MTOR: variants seen among roughly 807,000 people sequenced by gnomAD.
MTOR encodes mechanistic target of rapamycin kinase, also known as serine/threonine-protein kinase mTOR.
In MTOR, 70 loss-of-function variants were observed where a neutral mutation model predicts 319.8. The ratio of observed to expected loss-of-function variants is 0.22; its 90% CI spans 0.18 to 0.27. The LOEUF is 0.27. Ranked by LOEUF, MTOR falls within the 10% of genes least tolerant of loss-of-function variation. The probability of loss-of-function intolerance (pLI) is 1.00; values close to 1 mark genes in which losing one functional copy is unlikely to be tolerated. For missense variants in MTOR, 1,890 were observed against 3,274.4 expected (o/e 0.58, Z 10.32); for synonymous variants, 1,183 against 1,211.4 (o/e 0.98, Z 0.49).
intron 1 of MTOR, 55 bp from the exon 2 acceptor site, chr1:11,259,478 T>C: frequency 6.7e-7 from 1 of 1,493,970 alleles, no homozygotes; most frequent in Non-Finnish European, 8.9e-7. Context: ...ATGATAAATT[T>C]ACTTATGGCC....
intron 36 of MTOR, among the ~76,000 whole-genome samples, chr1:11,137,829 A>T (rs894580849): frequency 2.6e-5 from 4 of 152,218 alleles, no homozygotes; most frequent in Non-Finnish European, 4.4e-5. Flanking sequence ...CTTTTCCCAC[A>T]AATACTTTCC....
intron 3 of MTOR, 53 bp downstream of exon 3, chr1:11,258,432 A>C (rs935732152): frequency 8.2e-7 from 1 of 1,215,002 alleles, no homozygotes; most frequent in Non-Finnish European, 1.2e-6. Flanking sequence ...CACAGGGTGC[A>C]GTGGGCACAA....
chr1:11,198,340 C>G (rs936245196), intron 28 of MTOR, among the ~76,000 whole-genome samples: 1 of 152,152 alleles, frequency 6.6e-6, no homozygotes, highest in Admixed American at 6.5e-5. Flanking sequence ...GATTCTATTT[C>G]TATCTTTTCG....
intron 46 of MTOR, among the ~76,000 whole-genome samples, chr1:11,126,068 C>T (rs961231095): frequency 3.8e-5 from 5 of 131,340 alleles, no homozygotes; most frequent in Admixed American, 1.5e-4. Context: ...AAAAAAAAAG[C>T]GAGAGGCCTC....
intron 28 of MTOR, among the ~76,000 whole-genome samples, chr1:11,192,085 G>A (rs1454204748): frequency 1.3e-5 from 2 of 152,002 alleles, no homozygotes; most frequent in African/African-American, 4.8e-5. Context: ...CTGCTCCACC[G>A]CTAGTAAAGC....
At position 11,213,607 on chromosome 1, in the gene MTOR, T is replaced by C. The variant is rs764903089; in HGVS notation, c.3118-41A>G. ...AGTCAGAGGAGCTGAGTCAGGTCCC[T>C]TTCTGATGATATATGAACAAAGGAA... On this transcript the variant is annotated intron_variant, in intron 20 of 57. Transcript: ENST00000361445. 4.4e-6 allele frequency: 7 copies of C among 1,589,688 alleles called. No homozygotes were observed. The Admixed American group carries it at 1.0e-4, about 23-fold the overall frequency.
Position 11,238,624 on chromosome 1 carries a change from A to T in MTOR, c.1787-7T>A, listed in dbSNP as rs763040297. 4.4e-6 allele frequency: 7 copies of T among 1,600,502 alleles called. No individual in the cohort carries two copies. In the East Asian group the frequency reaches 1.3e-4, roughly 31 times the overall value. ...AATTGGGTCAGAGAGTGGCCTGGATAGAAAGGCAGAGAGAAAACAGAATAA... is the reference window on the plus strand; with the variant it reads ...AATTGGGTCAGAGAGTGGCCTGGATTGAAAGGCAGAGAGAAAACAGAATAA... On this transcript the variant is annotated splice_polypyrimidine_tract_variant and splice_region_variant and intron_variant, in intron 11 of 57. Coordinates refer to ENST00000361445, the MANE Select transcript of MTOR (RefSeq NM_004958.4).
chr1:11,144,494 T>C, intron 34 of MTOR, 154 bp downstream of exon 34: 1 of 588,210 alleles, frequency 1.7e-6, no homozygotes, highest in Non-Finnish European at 3.0e-6. Flanking sequence ...GAGGAGCCTT[T>C]GAGTATTCTG....
intron 28 of MTOR, among the ~76,000 whole-genome samples, chr1:11,179,639 G>C (rs1173746792): frequency 6.6e-6 from 1 of 152,196 alleles, no homozygotes; most frequent in East Asian, 1.9e-4. Context: ...CGCTCTGCAA[G>C]AGCAAGCTGT....
intron 28 of MTOR, among the ~76,000 whole-genome samples, chr1:11,173,560 G>C (rs1644891589): frequency 6.6e-6 from 1 of 152,134 alleles, no homozygotes. Flanking sequence ...TAGGATTACA[G>C]GCATGAGCCA....
At chr1:11,251,085 T>C (rs1466483291) in intron 6 of MTOR, among the ~76,000 whole-genome samples, 1 of 152,202 alleles carries the variant, frequency 6.6e-6, no homozygotes, top group Non-Finnish European at 1.5e-5. Context: ...TTTTGAAATA[T>C]GAGTTAAATG....
At chr1:11,202,085 C>G (rs998072698) in intron 26 of MTOR, among the ~76,000 whole-genome samples, 2 of 152,168 alleles carry the variant, frequency 1.3e-5, no homozygotes, top group Admixed American at 1.3e-4. Context: ...AGATTATAGG[C>G]AGGAGCCACA....
chr1:11,135,994 G>GCCCA (rs1251459333), intron 36 of MTOR, among the ~76,000 whole-genome samples: 2 of 152,024 alleles, frequency 1.3e-5, no homozygotes, highest in Non-Finnish European at 2.9e-5. Context: ...AATTAGCTGG[G>GCCCA]CGTGGTGGTG....
At chr1:11,261,395 C>A (rs1412045915) in intron 1 of MTOR, among the ~76,000 whole-genome samples, 1 of 151,770 alleles carries the variant, frequency 6.6e-6, no homozygotes, top group Non-Finnish European at 1.5e-5. Context: ...TGGCGGGAAC[C>A]CGGGAGGCGG....
Position 11,144,954 on chromosome 1 carries a change from T to C in MTOR, c.4764+14A>G. 1.9e-6 allele frequency: 3 copies of C among 1,612,984 alleles called. No individual in the cohort carries two copies. Among genetic ancestry groups the C allele is most frequent in the East Asian group, 2.2e-5 (1 of 44,880 alleles). On this transcript the variant is annotated intron_variant, in intron 33 of 57. Transcript: ENST00000361445. ...GCCTCAAAAATGACAATGTGCAGAA[T>C]AGTTGACACTTACCCCATATGCCCG...
intron 12 of MTOR, 133 bp from the exon 13 acceptor site, chr1:11,238,181 CT>C: frequency 1.0e-6 from 1 of 957,506 alleles, no homozygotes; most frequent in South Asian, 1.6e-5. Context: ...CTCTGTCATT[CT>C]TTTCTCTACT....
rs889741303 is a variant in MTOR at position 11,238,520 on chromosome 1, G to T, written c.1884C>A (p.Arg628=). The part of the protein sequence containing the change: ...IRMEAARTCS[R]LLTPSIHLIS... ...TGAGGTGGATGGAGGGTGTGAGCAG[G>T]CGGGAGCAGGTGCGGGCAGCCTCCA... The change falls in exon 12 of 58, where the codon CGC becomes CGA. Residue 628 remains arginine, a synonymous_variant. Transcript: ENST00000361445. The T allele has an allele frequency of 6.2e-7, 1 of 1,614,232 alleles. No homozygotes were observed. Among genetic ancestry groups the T allele is most frequent in the Non-Finnish European group, 8.5e-7 (1 of 1,180,052 alleles).
intron 15 of MTOR, 59 bp downstream of exon 15, chr1:11,233,339 T>C (rs1160920974): frequency 2.0e-6 from 3 of 1,481,690 alleles, no homozygotes; most frequent in South Asian, 2.3e-5. Flanking sequence ...TTGACTTCCT[T>C]AGAGGTTAGT....
At chr1:11,233,242 TTC>T in intron 15 of MTOR, 154 bp downstream of exon 15, 2 of 820,992 alleles carry the variant, frequency 2.4e-6, no homozygotes, top group Non-Finnish European at 4.0e-6. Context: ...AATATATTAT[TTC>T]TCTCTGAATC....
Sources: allele counts gnomAD v4.1 joint callset (sites outside exome capture counted in the v4.1 genomes callset), GRCh38; gene constraint gnomAD v4.1.1; transcripts MANE v1.5; gene names NCBI Gene and HGNC (gene_info 2026-07-23, HGNC 2026-07-21).